The following MEGF10 variants were observed in gnomAD, a reference collection of about 807,000 sequenced individuals.
MEGF10 encodes the protein multiple epidermal growth factor-like domains protein 10.
Under a neutral mutation model 147.5 loss-of-function variants are expected in MEGF10, and 86 were observed. The observed-to-expected ratio is 0.58, with a 90% CI of 0.49 to 0.70. The LOEUF (loss-of-function observed/expected upper bound fraction) is 0.70. Among genes scored for constraint, MEGF10 ranks in the 30% least tolerant of loss-of-function variants. The pLI, the probability that MEGF10 is intolerant of heterozygous loss-of-function variation, is 0.00. For missense variants in MEGF10, 1,329 were observed against 1,487.3 expected (o/e 0.89, Z 1.75); for synonymous variants, 478 against 525.5 (o/e 0.91, Z 1.24).
chr5:127,321,570 G>A (rs1760786438), intron 1 of MEGF10, among the ~76,000 whole-genome samples: 1 of 152,046 alleles, frequency 6.6e-6, no homozygotes, highest in Non-Finnish European at 1.5e-5. Context: ...TTCCTCTATG[G>A]GGTTTTCTTT....
At chr5:127,314,926 G>C (rs1259284828) in intron 1 of MEGF10, among the ~76,000 whole-genome samples, 3 of 152,064 alleles carry the variant, frequency 2.0e-5, no homozygotes, top group Non-Finnish European at 4.4e-5. Context: ...ATTGTGATGG[G>C]GTGCACTTAA....
At chr5:127,378,119 C>T (rs1242755688) in intron 5 of MEGF10, among the ~76,000 whole-genome samples, 1 of 152,178 alleles carries the variant, frequency 6.6e-6, no homozygotes, top group Non-Finnish European at 1.5e-5. Flanking sequence ...ACTACCACCA[C>T]CCTCTGTCAC....
the MEGF10 span, among the ~76,000 whole-genome samples, chr5:127,239,015 TACTGCCAAAATGTTTCA>T: frequency 1.3e-5 from 2 of 151,772 alleles, no homozygotes; most frequent in Non-Finnish European, 2.9e-5. Context: ...TATGCGATAG[TACTGCCAAAATGTTTCA>T]CCTCAATCTA....
At chr5:127,257,312 A>G in the MEGF10 span, among the ~76,000 whole-genome samples, 1 of 151,828 alleles carries the variant, frequency 6.6e-6, no homozygotes, top group Non-Finnish European at 1.5e-5. Flanking sequence ...TTTATTAAAA[A>G]AAAAAAAAAA....
intron 4 of MEGF10, among the ~76,000 whole-genome samples, chr5:127,369,086 A>G (rs1762755546): frequency 6.6e-6 from 1 of 152,218 alleles, no homozygotes; most frequent in Non-Finnish European, 1.5e-5. Flanking sequence ...CCACCCTTAA[A>G]TAAAATTTTA....
At chr5:127,425,854 T>G (rs561580395) in intron 13 of MEGF10, among the ~76,000 whole-genome samples, 19 of 152,328 alleles carry the variant, frequency 1.2e-4, no homozygotes, top group African/African-American at 4.6e-4. Context: ...TTCTCATCCC[T>G]GTTGCTGAGA....
intron 11 of MEGF10, 122 bp downstream of exon 11, chr5:127,419,362 C>T: frequency 8.6e-7 from 1 of 1,164,432 alleles, no homozygotes; most frequent in Non-Finnish European, 1.2e-6. Flanking sequence ...TGTCTGACCT[C>T]CGCAAGCCCC....
chr5:127,404,296 T>G (rs1007619114), intron 8 of MEGF10, among the ~76,000 whole-genome samples: 1 of 152,114 alleles, frequency 6.6e-6, no homozygotes, highest in Non-Finnish European at 1.5e-5. Flanking sequence ...ATCTTTTGCC[T>G]ATTTTTGATT....
intron 5 of MEGF10, among the ~76,000 whole-genome samples, chr5:127,376,542 A>C (rs1176515377): frequency 2.0e-5 from 3 of 152,164 alleles, no homozygotes; most frequent in African/African-American, 7.2e-5. Context: ...GGGCAATGGG[A>C]TGGAGAATCT....
chr5:127,381,285 A>G (rs1413493581), intron 5 of MEGF10, among the ~76,000 whole-genome samples: 1 of 152,246 alleles, frequency 6.6e-6, no homozygotes, highest in African/African-American at 2.4e-5. Flanking sequence ...GTCGAATTTC[A>G]TTAATCTTCT....
intron 1 of MEGF10, among the ~76,000 whole-genome samples, chr5:127,301,716 T>C (rs1017261106): frequency 6.6e-6 from 1 of 152,216 alleles, no homozygotes; most frequent in Non-Finnish European, 1.5e-5. Flanking sequence ...TGTGAAAAGA[T>C]AATAGCATAT....
At position 127,460,410 on chromosome 5, in the gene MEGF10, A is replaced by T. The variant is rs1231243950; in HGVS notation, c.*3092A>T. ...CCTATGATACAGTAGTAATGTTAAC[A>T]GAGAGTTTAATATGTTTAGCATTAT... On this transcript the variant is annotated 3_prime_UTR_variant, in exon 25 of 25. Coordinates refer to ENST00000503335, the MANE Select transcript of MEGF10 (RefSeq NM_001256545.2). 1 of 152,192 alleles carries T rather than the reference A, an allele frequency of 6.6e-6. No individual in the cohort carries two copies. Among genetic ancestry groups the T allele is most frequent in the Admixed American group, 6.5e-5 (1 of 15,274 alleles). 9.4% of individuals were successfully genotyped at this position (152,192 alleles called of 1,614,324 possible).
chr5:127,422,258 C>T (rs572978886), intron 12 of MEGF10, among the ~76,000 whole-genome samples: 50 of 152,198 alleles, frequency 3.3e-4, no homozygotes, highest in Middle Eastern at 3.4e-3. Flanking sequence ...CGGTGGCTCA[C>T]GCCTGTAATC....
At chr5:127,427,608 C>T (rs1304907143) in intron 13 of MEGF10, among the ~76,000 whole-genome samples, 1 of 152,028 alleles carries the variant, frequency 6.6e-6, no homozygotes, top group Non-Finnish European at 1.5e-5. Flanking sequence ...CCTAGAGTGG[C>T]CGCAGCCTCC....
intron 20 of MEGF10, among the ~76,000 whole-genome samples, chr5:127,447,142 T>A (rs765126426): frequency 6.6e-6 from 1 of 152,152 alleles, no homozygotes; most frequent in Non-Finnish European, 1.5e-5. Context: ...GCTTGTGATA[T>A]GGAAGGAGTC....
At chr5:127,424,635 C>T (rs919872171) in intron 13 of MEGF10, 4 of 1,168,512 alleles carry the variant, frequency 3.4e-6, no homozygotes, top group African/African-American at 1.6e-5. Context: ...TGAGAGCTAC[C>T]TTGGGAAACA....
chr5:127,424,416 A>T, intron 13 of MEGF10: 1 of 931,698 alleles, frequency 1.1e-6, no homozygotes. Flanking sequence ...CAAAGAAGCA[A>T]GGTGGAAATT....
the MEGF10 span, among the ~76,000 whole-genome samples, chr5:127,266,707 AT>A: frequency 2.6e-5 from 4 of 152,062 alleles, no homozygotes; most frequent in Admixed American, 1.3e-4. Flanking sequence ...TTCACTCATG[AT>A]TTAGCTCTCT....
the MEGF10 span, among the ~76,000 whole-genome samples, chr5:127,254,082 T>C: frequency 6.6e-6 from 1 of 152,292 alleles, no homozygotes; most frequent in South Asian, 2.1e-4. Flanking sequence ...TCCAACAGTT[T>C]AAGCAGTTTT....
Sources: allele counts gnomAD v4.1 joint callset (sites outside exome capture counted in the v4.1 genomes callset), GRCh38; gene constraint gnomAD v4.1.1; transcripts MANE v1.5; gene names NCBI Gene and HGNC (gene_info 2026-07-23, HGNC 2026-07-21).